MAGI1: variants seen among roughly 807,000 people sequenced by gnomAD.
MAGI1 encodes membrane-associated guanylate kinase, WW and PDZ domain-containing protein 1.
A neutral mutation model predicts 139.9 loss-of-function variants in MAGI1; 58 were observed. The observed-to-expected ratio is 0.41, with a 90% CI of 0.34 to 0.52. MAGI1 has a LOEUF of 0.52. MAGI1 is among the 20% of genes least tolerant of loss of function. The pLI is 0.12. For synonymous variants in MAGI1, 812 were observed against 737.9 expected, an observed-to-expected ratio of 1.10 and a Z score of -1.63; for missense variants, 1,874 against 1,901.6, an observed-to-expected ratio of 0.99 and a Z score of 0.27.
intron 1 of MAGI1, among the ~76,000 whole-genome samples, chr3:65,815,712 T>C (rs947313815): frequency 1.1e-4 from 16 of 152,162 alleles, no homozygotes; most frequent in African/African-American, 3.6e-4. Context: ...TCATAAAATA[T>C]ATTTTTATTA....
At chr3:65,482,070 T>C (rs1951326809) in intron 3 of MAGI1, among the ~76,000 whole-genome samples, 1 of 152,212 alleles carries the variant, frequency 6.6e-6, no homozygotes, top group Admixed American at 6.5e-5. Context: ...GGCTTTAATC[T>C]AATGAGTGGC....
At chr3:65,869,255 CA>C (rs35601573) in intron 1 of MAGI1, among the ~76,000 whole-genome samples, 24,113 of 78,520 alleles carry the variant, frequency 0.31, 3,528 homozygotes, top group African/African-American at 0.48. Flanking sequence ...GACTCCGTCT[CA>C]AAAAAAAAAA....
chr3:65,949,331 T>G (rs1158249781), intron 1 of MAGI1, among the ~76,000 whole-genome samples: 1 of 152,230 alleles, frequency 6.6e-6, no homozygotes, highest in Non-Finnish European at 1.5e-5. Context: ...TTGCTATTTC[T>G]GTTGTTATTA....
intron 1 of MAGI1, among the ~76,000 whole-genome samples, chr3:65,912,239 A>C (rs1230294615): frequency 6.6e-6 from 1 of 150,956 alleles, no homozygotes; most frequent in Non-Finnish European, 1.5e-5. Context: ...CTGATCTCAA[A>C]AAAAAAAAAA....
At chr3:65,900,429 T>G (rs1041568922) in intron 1 of MAGI1, among the ~76,000 whole-genome samples, 1 of 152,224 alleles carries the variant, frequency 6.6e-6, no homozygotes, top group Non-Finnish European at 1.5e-5. Flanking sequence ...CATGTATTAT[T>G]TGCCTAGTGT....
At chr3:65,675,642 T>C (rs2087142030) in intron 1 of MAGI1, among the ~76,000 whole-genome samples, 1 of 152,210 alleles carries the variant, frequency 6.6e-6, no homozygotes, top group Admixed American at 6.5e-5. Flanking sequence ...AGGAGCCATC[T>C]AATGAGGTGG....
chr3:65,591,596 C>G (rs1009240399), intron 2 of MAGI1, among the ~76,000 whole-genome samples: 6 of 152,132 alleles, frequency 3.9e-5, no homozygotes, highest in African/African-American at 9.7e-5. Flanking sequence ...CTGCCTGGAT[C>G]AAGACTCTGC....
intron 1 of MAGI1, among the ~76,000 whole-genome samples, chr3:65,896,823 G>C (rs2060989027): frequency 6.6e-6 from 1 of 152,136 alleles, no homozygotes; most frequent in Non-Finnish European, 1.5e-5. Context: ...ACCTGTTCAT[G>C]ATTTCACAGG....
Position 65,356,173 on chromosome 3 carries a change from A to G in MAGI1, c.*205T>C. 1 of 450,486 alleles carries G rather than the reference A, an allele frequency of 2.2e-6. No individual in the cohort carries two copies. The highest frequency in any genetic ancestry group is 3.7e-5 in the East Asian group (1 of 27,262). 27.9% of individuals were successfully genotyped at this position (450,486 alleles called of 1,614,324 possible). ...TCCAAAAAAGTATGCATTTAAAAATACTTTCTTTAATATGATACATCAGGC... is the reference window on the plus strand; with the variant it reads ...TCCAAAAAAGTATGCATTTAAAAATGCTTTCTTTAATATGATACATCAGGC... On this transcript the variant is annotated 3_prime_UTR_variant, in exon 23 of 23. Transcript: ENST00000402939.
chr3:65,768,377 G>A (rs2037668622), intron 1 of MAGI1, among the ~76,000 whole-genome samples: 1 of 151,964 alleles, frequency 6.6e-6, no homozygotes, highest in African/African-American at 2.4e-5. Context: ...CCAAGATCAC[G>A]CCACTGGACT....
chr3:65,404,548 G>A (rs1273444895), intron 12 of MAGI1, among the ~76,000 whole-genome samples: 4 of 152,084 alleles, frequency 2.6e-5, no homozygotes, highest in African/African-American at 9.7e-5. Flanking sequence ...TCAAAATCAA[G>A]AGACTCCACT....
intron 1 of MAGI1, among the ~76,000 whole-genome samples, chr3:65,939,995 G>C (rs1189002110): frequency 6.6e-6 from 1 of 152,172 alleles, no homozygotes; most frequent in Non-Finnish European, 1.5e-5. Context: ...TGAAATATGA[G>C]TGTGGCAGAG....
At chr3:65,710,700 G>A (rs552747127) in intron 1 of MAGI1, among the ~76,000 whole-genome samples, 9 of 152,228 alleles carry the variant, frequency 5.9e-5, no homozygotes, top group South Asian at 2.1e-4. Flanking sequence ...CATTCCACAC[G>A]TGAAGAAACT....
intron 22 of MAGI1, 26 bp downstream of exon 22, chr3:65,361,173 A>G: frequency 6.2e-7 from 1 of 1,614,128 alleles, no homozygotes; most frequent in Non-Finnish European, 8.5e-7. Flanking sequence ...CAGGGAAGGA[A>G]GGAATGTTTT....
chr3:65,736,549 C>T (rs1360300680), intron 1 of MAGI1, among the ~76,000 whole-genome samples: 1 of 152,082 alleles, frequency 6.6e-6, no homozygotes, highest in Non-Finnish European at 1.5e-5. Context: ...CAATCCAAGC[C>T]AGAAGGCTTG....
At chr3:65,658,113 T>G (rs2085988489) in intron 1 of MAGI1, among the ~76,000 whole-genome samples, 1 of 152,212 alleles carries the variant, frequency 6.6e-6, no homozygotes, top group African/African-American at 2.4e-5. Flanking sequence ...AACTTTATCA[T>G]GTGTTCCCTG....
intron 2 of MAGI1, among the ~76,000 whole-genome samples, chr3:65,565,077 T>G (rs554178607): frequency 1.3e-5 from 2 of 152,324 alleles, no homozygotes; most frequent in East Asian, 3.9e-4. Context: ...AAAACAAGCC[T>G]GCAAGCACAT....
chr3:65,421,254 A>G (rs1302632263), intron 12 of MAGI1, among the ~76,000 whole-genome samples: 1 of 152,234 alleles, frequency 6.6e-6, no homozygotes, highest in East Asian at 1.9e-4. Flanking sequence ...CATTATGAAT[A>G]AAGGCCAGAA....
At chr3:65,436,646 G>A (rs1309295853) in intron 10 of MAGI1, among the ~76,000 whole-genome samples, 1 of 152,090 alleles carries the variant, frequency 6.6e-6, no homozygotes, top group Non-Finnish European at 1.5e-5. Context: ...ATCTAATGCT[G>A]AGTTTCAGAT....
Sources: allele counts gnomAD v4.1 joint callset (sites outside exome capture counted in the v4.1 genomes callset), GRCh38; gene constraint gnomAD v4.1.1; transcripts MANE v1.5; gene names NCBI Gene and HGNC (gene_info 2026-07-23, HGNC 2026-07-21).